The following ARID4A variants were observed in gnomAD, a reference collection of about 807,000 sequenced individuals.
The protein encoded by ARID4A is AT-rich interactive domain-containing protein 4A.
In ARID4A, 39 loss-of-function variants were observed where a neutral mutation model predicts 148.6. The observed-to-expected ratio is 0.26, with a 90% CI of 0.20 to 0.34. The LOEUF is 0.34. Ranked by LOEUF, ARID4A falls within the 10% of genes least tolerant of loss-of-function variation. The pLI is 1.00. For synonymous variants in ARID4A, 475 were observed against 481.2 expected, an observed-to-expected ratio of 0.99 and a Z score of 0.17; for missense variants, 1,265 against 1,449.1, an observed-to-expected ratio of 0.87 and a Z score of 2.06.
intron 5 of ARID4A, among the ~76,000 whole-genome samples, chr14:58,312,833 A>G (rs2032142940): frequency 6.6e-6 from 1 of 152,218 alleles, no homozygotes; most frequent in Non-Finnish European, 1.5e-5. Flanking sequence ...CCTACTTTGT[A>G]GAGGCTGTTG....
rs978714157 is a variant in ARID4A at position 58,333,480 on chromosome 14, C to T, written c.906+3311C>T. Among the ~76,000 whole-genome samples the T allele has an allele frequency of 3.3e-5, 5 of 151,982 alleles. No individual in the cohort carries two copies. The South Asian group carries it at 8.3e-4, about 25-fold the overall frequency. On this transcript the variant is annotated intron_variant, in intron 11 of 23. Transcript: ENST00000355431. ...TGTGACCAGTGTTAGCTTTTAAAATCATTTTGGCTTATAATAAGTAGGCTT... is the reference window on the plus strand; with the variant it reads ...TGTGACCAGTGTTAGCTTTTAAAATTATTTTGGCTTATAATAAGTAGGCTT...
intron 18 of ARID4A, 62 bp downstream of exon 18, chr14:58,359,278 G>GT (rs2035028038): frequency 2.7e-6 from 4 of 1,480,206 alleles, no homozygotes; most frequent in Admixed American, 2.3e-5. Context: ...TGTATTGTGT[G>GT]TTTTTTAAGA....
intron 11 of ARID4A, among the ~76,000 whole-genome samples, chr14:58,336,668 C>G (rs971528573): frequency 1.3e-5 from 2 of 151,982 alleles, no homozygotes. Context: ...TAAAGATAAC[C>G]ACGCCAAATA....
At chr14:58,349,114 C>T (rs1192101242) in intron 15 of ARID4A, among the ~76,000 whole-genome samples, 1 of 152,112 alleles carries the variant, frequency 6.6e-6, no homozygotes, top group Non-Finnish European at 1.5e-5. Context: ...CAGTGTTTGT[C>T]CTTTTTTACT....
At chr14:58,321,898 G>A (rs1348748700) in intron 7 of ARID4A, among the ~76,000 whole-genome samples, 1 of 151,970 alleles carries the variant, frequency 6.6e-6, no homozygotes, top group East Asian at 1.9e-4. Flanking sequence ...GAACAGTAAT[G>A]TCTTGCTGGT....
At position 58,320,051 on chromosome 14, in the gene ARID4A, G is replaced by T. The variant is rs543435129; in HGVS notation, c.449+1246G>T. Among the ~76,000 whole-genome samples the T allele has an allele frequency of 4.7e-5, 7 of 148,606 alleles. No homozygotes were observed. In the South Asian group the frequency reaches 1.3e-3, roughly 27 times the overall value. ...CAGCCTCTGCCTCCCAGGTTCAAACGATTCTCCTGCCTCAGCCTCCCGAGT... is the reference window on the plus strand; with the variant it reads ...CAGCCTCTGCCTCCCAGGTTCAAACTATTCTCCTGCCTCAGCCTCCCGAGT... On this transcript the variant is annotated intron_variant, in intron 7 of 23. Transcript: ENST00000355431.
Position 58,372,390 on chromosome 14 carries a change from G to T in ARID4A, c.*401G>T, listed in dbSNP as rs566364714. On this transcript the variant is annotated 3_prime_UTR_variant, in exon 24 of 24. Coordinates refer to ENST00000355431, the MANE Select transcript of ARID4A (RefSeq NM_002892.4). ...ATAGTTACTGCTGCACTTTCACTAA[G>T]ATGTATTTGAACACTTGGTGAGTAG... is the stretch of plus-strand genomic sequence containing the variant. The T allele has an allele frequency of 8.1e-6, 2 of 247,456 alleles. No individual in the cohort carries two copies. Among genetic ancestry groups the T allele is most frequent in the Non-Finnish European group, 1.6e-5 (2 of 128,036 alleles). The allele number at this position is 247,456 out of a possible 1,614,324, so 15.3% of individuals were successfully genotyped here. A position where few individuals can be genotyped will look rare whatever the true frequency, so the allele number is the denominator to read the frequency against.
At chr14:58,359,241 T>G (rs2035025279) in intron 18 of ARID4A, 25 bp downstream of exon 18, 1 of 1,552,620 alleles carries the variant, frequency 6.4e-7, no homozygotes, top group African/African-American at 1.4e-5. Context: ...TTATGTCCTT[T>G]ATAATATGTA....
At chr14:58,316,113 A>G (rs1297855916) in intron 5 of ARID4A, among the ~76,000 whole-genome samples, 1 of 152,248 alleles carries the variant, frequency 6.6e-6, no homozygotes, top group African/African-American at 2.4e-5. Context: ...TAATAAAACA[A>G]CCTTTTCAGA....
In ARID4A at chr14:58,364,613, A is replaced by G. The variant is rs1258325011; in HGVS notation, c.2524A>G (p.Thr842Ala). Reference protein sequence around the residue: ...SLDNKNFSSATEDEIDQCVKE... With the variant: ...SLDNKNFSSAAEDEIDQCVKE... ...AGACAATAAAAACTTTTCTTCTGCT[A>G]CAGAAGATGAAATTGACCAATGTGT... The change falls in exon 20 of 24, where the codon ACA becomes GCA. Residue 842 changes from threonine (T) to alanine (A), a missense_variant. By Grantham distance (58) the Thr-to-Ala change is moderately conservative. Transcript: ENST00000355431. 1.5e-5 allele frequency: 24 copies of G among 1,613,524 alleles called. No individual in the cohort carries two copies. The highest frequency in any genetic ancestry group is 8.3e-5 in the Admixed American group (5 of 59,952).
intron 7 of ARID4A, 37 bp from the exon 8 acceptor site, chr14:58,323,448 T>G (rs2033026511): frequency 3.8e-6 from 6 of 1,584,856 alleles, no homozygotes; most frequent in Non-Finnish European, 5.2e-6. Context: ...AATAATTGTT[T>G]GTGTTAGGAT....
rs191670213 is a variant in ARID4A, at chr14:58,357,667, G to A, written c.1854-1465G>A. On this transcript the variant is annotated intron_variant, in intron 17 of 23. Coordinates refer to ENST00000355431, the MANE Select transcript of ARID4A (RefSeq NM_002892.4). ...CTATCGTTAGTGTTATTTTATGTGT[G>A]GCCCAAGACAATTCTTCTTCCATTG... Among the ~76,000 whole-genome samples the A allele has an allele frequency of 5.6e-5, 8 of 142,624 alleles. No individual in the cohort carries two copies. The East Asian group carries it at 1.7e-3, about 30-fold the overall frequency. The allele number at this position is 142,624 out of a possible 152,430, so 93.6% of individuals were successfully genotyped here.
At chr14:58,358,030 C>T (rs777783633) in intron 17 of ARID4A, among the ~76,000 whole-genome samples, 1 of 151,804 alleles carries the variant, frequency 6.6e-6, no homozygotes, top group Non-Finnish European at 1.5e-5. Context: ...TGGCAAAACC[C>T]GTCTCTATAA....
intron 1 of ARID4A, among the ~76,000 whole-genome samples, chr14:58,299,065 C>G (rs1852943105): frequency 6.6e-6 from 1 of 152,212 alleles, no homozygotes; most frequent in South Asian, 2.1e-4. Flanking sequence ...ACTCGAGGGG[C>G]TACGAGCTGA....
intron 3 of ARID4A, chr14:58,303,608 A>G (rs888513347): frequency 1.1e-5 from 5 of 460,012 alleles, no homozygotes; most frequent in South Asian, 1.6e-5. Flanking sequence ...TGCCTGATAC[A>G]TAGTGGACCC....
chr14:58,365,487 T>TTTTTTA, intron 20 of ARID4A, 31 bp from the exon 21 acceptor site: 1 of 1,266,258 alleles, frequency 7.9e-7, no homozygotes, highest in Non-Finnish European at 1.1e-6. Flanking sequence ...TTTTTTTTTT[T>TTTTTTA]TTCAACATTC....
At chr14:58,324,467 A>G (rs2033106668) in intron 8 of ARID4A, among the ~76,000 whole-genome samples, 1 of 151,856 alleles carries the variant, frequency 6.6e-6, no homozygotes, top group Admixed American at 6.6e-5. Context: ...TTTTTTGTAG[A>G]CATGTAGCCT....
At chr14:58,356,284 TAG>T (rs1474777075) in intron 17 of ARID4A, among the ~76,000 whole-genome samples, 1 of 152,206 alleles carries the variant, frequency 6.6e-6, no homozygotes. Flanking sequence ...TGGAATTGGA[TAG>T]AGTTATCCCT....
intron 7 of ARID4A, among the ~76,000 whole-genome samples, chr14:58,319,166 T>A (rs2032675279): frequency 6.6e-6 from 1 of 152,140 alleles, no homozygotes. Flanking sequence ...TTCAAGCAAT[T>A]CTCCTGCTTC....
Sources: gnomAD v4.1 joint callset for allele counts (sites outside exome capture counted in the v4.1 genomes callset) on GRCh38, gnomAD v4.1.1 for gene constraint, MANE v1.5 for transcripts, NCBI Gene and HGNC (gene_info 2026-07-23, HGNC 2026-07-21) for gene names.